The following CAPZB variants were observed in gnomAD, a reference collection of about 807,000 sequenced individuals.
CAPZB encodes F-actin-capping protein subunit beta.
Under a neutral mutation model 38.1 loss-of-function variants are expected in CAPZB, and 2 were observed. That is an observed-to-expected ratio of 0.05 (90% confidence interval 0.02 to 0.17). The LOEUF (loss-of-function observed/expected upper bound fraction) is 0.17, where lower values mean the gene tolerates loss of function less well. Ranked by LOEUF, CAPZB falls within the 10% of genes least tolerant of loss-of-function variation. The pLI, the probability that CAPZB is intolerant of heterozygous loss-of-function variation, is 1.00. For synonymous variants in CAPZB, 107 were observed against 127.4 expected, an observed-to-expected ratio of 0.84 and a Z score of 1.08; for missense variants, 161 against 334.2, an observed-to-expected ratio of 0.48 and a Z score of 4.04.
intron 1 of CAPZB, among the ~76,000 whole-genome samples, chr1:19,462,302 A>G (rs1181400308): frequency 6.6e-6 from 1 of 151,584 alleles, no homozygotes; most frequent in African/African-American, 2.4e-5. Context: ...AATACAAAAA[A>G]AAAAAATTAG....
chr1:19,412,614 A>G (rs1027715575), intron 2 of CAPZB, among the ~76,000 whole-genome samples: 1 of 152,150 alleles, frequency 6.6e-6, no homozygotes, highest in Non-Finnish European at 1.5e-5. Context: ...CAAAACATAC[A>G]ATGCTCTCCT....
intron 1 of CAPZB, among the ~76,000 whole-genome samples, chr1:19,475,463 G>C (rs978070684): frequency 2.6e-5 from 4 of 152,182 alleles, no homozygotes; most frequent in African/African-American, 9.7e-5. Context: ...GCTGCTGTTA[G>C]GATCACGGCT....
At chr1:19,462,256 T>C (rs760385859) in intron 1 of CAPZB, among the ~76,000 whole-genome samples, 1 of 150,730 alleles carries the variant, frequency 6.6e-6, no homozygotes, top group Non-Finnish European at 1.5e-5. Context: ...ATTGAGACCA[T>C]CCTGGCTAAC....
At chr1:19,442,477 A>G (rs1047907024) in intron 1 of CAPZB, among the ~76,000 whole-genome samples, 3 of 152,326 alleles carry the variant, frequency 2.0e-5, no homozygotes, top group East Asian at 1.9e-4. Flanking sequence ...AAGTTCTCTG[A>G]ATTTAAATCA....
chr1:19,460,678 G>A (rs569089106), intron 1 of CAPZB, among the ~76,000 whole-genome samples: 1 of 148,160 alleles, frequency 6.7e-6, no homozygotes, highest in African/African-American at 2.5e-5. Context: ...ATCACAGAGT[G>A]CAGGGATTAC....
chr1:19,357,307 A>G lies in CAPZB; in HGVS notation c.471+115T>C. ...TGGCTTTGAGGCATTTCTCAGAATT[A>G]GGGGTTCAGAGATCACAGCATCCCC... On this transcript the variant is annotated intron_variant, in intron 5 of 8. Transcript: ENST00000264202. This position sits in a 1 kb window ranked among gnomAD's most constrained non-coding sequence, Gnocchi z 4.3. The G allele has an allele frequency of 2.2e-6, 2 of 903,604 alleles. No homozygotes were observed. Among genetic ancestry groups the G allele is most frequent in the Non-Finnish European group, 3.5e-6 (2 of 574,922 alleles). 56.0% of individuals were successfully genotyped at this position (903,604 alleles called of 1,614,324 possible). A position where few individuals can be genotyped will look rare whatever the true frequency, so the allele number is the denominator to read the frequency against.
chr1:19,409,969 T>C (rs1203497005), intron 2 of CAPZB, among the ~76,000 whole-genome samples: 2 of 152,244 alleles, frequency 1.3e-5, no homozygotes, highest in African/African-American at 4.8e-5. Context: ...CTACATGCTG[T>C]TGCAATAGAG....
intron 6 of CAPZB, among the ~76,000 whole-genome samples, chr1:19,346,817 C>CTTTTTT (rs34733600): frequency 1.3e-4 from 11 of 84,086 alleles, no homozygotes; most frequent in East Asian, 3.3e-4. Flanking sequence ...CGACTTTTGT[C>CTTTTTT]TTTTTTTTTT....
At chr1:19,366,293 T>TATTTTAAATATATATAAAAA (rs1553270794) in intron 4 of CAPZB, among the ~76,000 whole-genome samples, 1 of 68,920 alleles carries the variant, frequency 1.5e-5, no homozygotes, top group East Asian at 3.6e-4. Flanking sequence ...AATATATATA[T>TATTTTAAATATATATAAAAA]ATATATATAT....
chr1:19,440,018 G>C (rs1306182192), intron 1 of CAPZB, among the ~76,000 whole-genome samples: 1 of 152,156 alleles, frequency 6.6e-6, no homozygotes, highest in Non-Finnish European at 1.5e-5. Context: ...GGCCAGGTGG[G>C]GGTGCTACCG....
chr1:19,422,334 G>A (rs768690262), intron 1 of CAPZB, among the ~76,000 whole-genome samples: 3 of 152,154 alleles, frequency 2.0e-5, no homozygotes, highest in South Asian at 2.1e-4. Flanking sequence ...CGGCCCAAAC[G>A]TTAATAGAGT....
Position 19,399,366 on chromosome 1 carries a change from G to A in CAPZB, c.94-13740C>T, listed in dbSNP as rs374675393. ...CAGTTTCAGAATACGAGTACGTCAT[G>A]TGACCCAGAGTTAGGTTGGTAAAAA... is the stretch of plus-strand genomic sequence containing the variant. On this transcript the variant is annotated intron_variant, in intron 2 of 8. Coordinates refer to ENST00000264202, the MANE Select transcript of CAPZB (RefSeq NM_004930.5). 1.0e-3 allele frequency among the ~76,000 whole-genome samples: 159 copies of A among 152,330 alleles called. 1 individual carries two copies. The South Asian group carries it at 0.012, about 11-fold the overall frequency.
chr1:19,385,452 G>A (rs964007599), intron 3 of CAPZB, 53 bp downstream of exon 3: 55 of 1,607,428 alleles, frequency 3.4e-5, no homozygotes, highest in African/African-American at 2.1e-4. Context: ...AGGTACCTAC[G>A]GCAGCCCGCG....
intron 1 of CAPZB, among the ~76,000 whole-genome samples, chr1:19,442,620 A>G (rs1278676330): frequency 6.6e-6 from 1 of 152,124 alleles, no homozygotes; most frequent in Non-Finnish European, 1.5e-5. Context: ...TCACACTCGC[A>G]CTCGGTCCAG....
chr1:19,462,807 T>C (rs1423035649), intron 1 of CAPZB, among the ~76,000 whole-genome samples: 1 of 152,220 alleles, frequency 6.6e-6, no homozygotes, highest in Non-Finnish European at 1.5e-5. Context: ...AGGCAGCCAC[T>C]AGCCTTCGAT....
chr1:19,481,430 T>C (rs1479987130), intron 1 of CAPZB, among the ~76,000 whole-genome samples: 2 of 152,066 alleles, frequency 1.3e-5, no homozygotes, highest in African/African-American at 2.4e-5. Context: ...GTGAGTGGGG[T>C]CCAGCACATG....
intron 2 of CAPZB, among the ~76,000 whole-genome samples, chr1:19,407,630 T>C (rs1455941917): frequency 6.6e-6 from 1 of 152,034 alleles, no homozygotes; most frequent in Non-Finnish European, 1.5e-5. Context: ...AGGCTGAGGA[T>C]TGAGGGGTCT....
At chr1:19,484,405 G>T (rs1454764862) in intron 1 of CAPZB, 1 of 1,524,994 alleles carries the variant, frequency 6.6e-7, no homozygotes, top group Non-Finnish European at 8.8e-7. Flanking sequence ...TCCCACTCAG[G>T]CCCGGGCGCC....
intron 1 of CAPZB, among the ~76,000 whole-genome samples, chr1:19,423,379 A>ATT (rs2094409050): frequency 2.6e-5 from 4 of 152,074 alleles, no homozygotes; most frequent in Admixed American, 2.6e-4. Context: ...GATGTGGATG[A>ATT]CCTTCAGCTA....
Sources: gnomAD v4.1 joint callset for allele counts (sites outside exome capture counted in the v4.1 genomes callset) on GRCh38, gnomAD v4.1.1 for gene constraint, Gnocchi (gnomAD v3.1) non-coding constraint, MANE v1.5 for transcripts, NCBI Gene and HGNC (gene_info 2026-07-23, HGNC 2026-07-21) for gene names.